TCEA1: variants seen among roughly 807,000 people sequenced by gnomAD.
TCEA1 encodes the protein transcription elongation factor A protein 1.
Under a neutral mutation model 43.8 loss-of-function variants are expected in TCEA1, and 21 were observed. The ratio of observed to expected loss-of-function variants is 0.48; its 90% CI spans 0.34 to 0.69. TCEA1 has a LOEUF of 0.69. Ranked by LOEUF, TCEA1 falls within the 30% of genes least tolerant of loss-of-function variation. The probability of loss-of-function intolerance (pLI) is 0.01; values close to 1 mark genes in which losing one functional copy is unlikely to be tolerated. For synonymous variants in TCEA1, 104 were observed against 117.5 expected, an observed-to-expected ratio of 0.88 and a Z score of 0.75; for missense variants, 250 against 365.1, an observed-to-expected ratio of 0.68 and a Z score of 2.57.
At chr8:53,999,816 G>T in intron 3 of TCEA1, 129 bp downstream of exon 3, 1 of 655,384 alleles carries the variant, frequency 1.5e-6, no homozygotes, top group Non-Finnish European at 2.6e-6. Context: ...TTATTACGAG[G>T]CACTGCTTTC....
intron 9 of TCEA1, among the ~76,000 whole-genome samples, chr8:53,970,072 T>G (rs1445102186): frequency 6.6e-6 from 1 of 152,164 alleles, no homozygotes; most frequent in Non-Finnish European, 1.5e-5. Flanking sequence ...CATGTATAGA[T>G]TTTCTGGAAG....
chr8:53,984,129 T>C (rs1016670593), intron 7 of TCEA1, among the ~76,000 whole-genome samples: 11 of 152,222 alleles, frequency 7.2e-5, no homozygotes, highest in African/African-American at 2.7e-4. Context: ...ACACGTTTGT[T>C]TTTAGAAAAT....
chr8:53,984,169 A>G (rs568117735), intron 7 of TCEA1, among the ~76,000 whole-genome samples, 194 bp downstream of exon 7: 1 of 152,244 alleles, frequency 6.6e-6, no homozygotes, highest in Non-Finnish European at 1.5e-5. Context: ...AAAAGCATGG[A>G]AACAGTTGGA....
At chr8:54,019,745 T>C (rs1482370789) in intron 1 of TCEA1, among the ~76,000 whole-genome samples, 2 of 152,162 alleles carry the variant, frequency 1.3e-5, no homozygotes, top group African/African-American at 4.8e-5. Flanking sequence ...GATGATGCAG[T>C]TGGGGAAAAG....
intron 2 of TCEA1, among the ~76,000 whole-genome samples, chr8:54,002,541 C>A (rs1586024285): frequency 6.8e-6 from 1 of 146,262 alleles, no homozygotes. Flanking sequence ...ATAAGTTTTT[C>A]TTTTTTCCTT....
At chr8:53,968,204 A>T (rs974316549) in intron 9 of TCEA1, 92 bp from the exon 10 acceptor site, 5 of 1,002,432 alleles carry the variant, frequency 5.0e-6, no homozygotes, top group African/African-American at 1.6e-5. Flanking sequence ...TATTGCTTTT[A>T]AAAAAGATGC....
intron 6 of TCEA1, among the ~76,000 whole-genome samples, 195 bp downstream of exon 6, chr8:53,986,774 C>T (rs1803701880): frequency 6.6e-6 from 1 of 152,182 alleles, no homozygotes; most frequent in African/African-American, 2.4e-5. Context: ...AATCCCAGCC[C>T]TGTCAGTGTC....
intron 3 of TCEA1, chr8:53,999,609 T>G (rs1170833132): frequency 3.9e-6 from 1 of 258,988 alleles, no homozygotes; most frequent in Non-Finnish European, 7.2e-6. Context: ...TACGGCATTC[T>G]TTTAATCATC....
rs1332990144 is a variant in TCEA1, at chr8:53,969,233, T to C, written c.898-1121A>G. Among the ~76,000 whole-genome samples the C allele has an allele frequency of 3.3e-5, 5 of 152,208 alleles. No homozygotes were observed. The East Asian group carries it at 9.7e-4, about 29-fold the overall frequency. ...TGAACCTGGGAGGCGAAGGTTGCAG[T>C]GAGCTGAGATAGCGCCACTGCACTC... On this transcript the variant is annotated intron_variant, in intron 9 of 9. Coordinates refer to ENST00000521604, the MANE Select transcript of TCEA1 (RefSeq NM_006756.4).
chr8:54,010,797 T>TA (rs1433350235), intron 1 of TCEA1, among the ~76,000 whole-genome samples: 3 of 151,942 alleles, frequency 2.0e-5, no homozygotes, highest in Admixed American at 1.3e-4. Flanking sequence ...TAAGCTATGA[T>TA]ACAGTGTTTT....
intron 4 of TCEA1, among the ~76,000 whole-genome samples, chr8:53,990,866 G>A (rs924597653): frequency 1.3e-5 from 2 of 152,016 alleles, no homozygotes; most frequent in African/African-American, 2.4e-5. Context: ...TTAAATTCTT[G>A]CACCCAAAAT....
chr8:53,987,723 T>C (rs1803733413), intron 5 of TCEA1, among the ~76,000 whole-genome samples: 1 of 152,136 alleles, frequency 6.6e-6, no homozygotes, highest in South Asian at 2.1e-4. Context: ...AACTAGAAAA[T>C]GGAAAACATT....
At chr8:53,975,042 A>G (rs917689812) in intron 8 of TCEA1, among the ~76,000 whole-genome samples, 2 of 149,854 alleles carry the variant, frequency 1.3e-5, no homozygotes, top group Non-Finnish European at 3.0e-5. Context: ...TATCATGTTA[A>G]GTTTGTTTAT....
intron 4 of TCEA1, among the ~76,000 whole-genome samples, chr8:53,991,963 T>C (rs1165277168): frequency 6.6e-6 from 1 of 152,022 alleles, no homozygotes; most frequent in Non-Finnish European, 1.5e-5. Flanking sequence ...ATGATCAATT[T>C]TGGGAAAATA....
At chr8:53,978,784 A>T in intron 8 of TCEA1, 1 of 389,234 alleles carries the variant, frequency 2.6e-6, no homozygotes, top group Non-Finnish European at 4.6e-6. Flanking sequence ...TATTATTGTT[A>T]ATCTCTTCCT....
Position 54,017,018 on chromosome 8 carries a change from G to A in TCEA1, c.63+5045C>T, listed in dbSNP as rs796965896. On this transcript the variant is annotated intron_variant, in intron 1 of 9. Coordinates refer to ENST00000521604, the MANE Select transcript of TCEA1 (RefSeq NM_006756.4). ...AAAAAAAAGACTATACTAAGCAAAA[G>A]AGGCCAGTTACAAAAGACCACATAC... is the stretch of plus-strand genomic sequence containing the variant. 1.4e-5 allele frequency among the ~76,000 whole-genome samples: 2 copies of A among 144,732 alleles called. 1 individual carries two copies. The highest frequency in any genetic ancestry group is 5.0e-5 in the African/African-American group (2 of 40,008). 94.9% of individuals were successfully genotyped at this position (144,732 alleles called of 152,430 possible).
At chr8:53,990,360 CTTTTT>C (rs869104595) in intron 4 of TCEA1, among the ~76,000 whole-genome samples, 2 of 136,896 alleles carry the variant, frequency 1.5e-5, no homozygotes, top group Admixed American at 7.4e-5. Context: ...CATTTCTTTT[CTTTTT>C]TTTTTTTTTT....
intron 4 of TCEA1, among the ~76,000 whole-genome samples, chr8:53,989,689 G>A (rs1478347770): frequency 6.6e-6 from 1 of 152,036 alleles, no homozygotes; most frequent in Non-Finnish European, 1.5e-5. Context: ...TTTTCATTAT[G>A]TAGCATAATG....
At chr8:54,021,724 T>C (rs1178259741) in intron 1 of TCEA1, 2 of 221,012 alleles carry the variant, frequency 9.0e-6, no homozygotes, top group African/African-American at 4.6e-5. Context: ...CTGAGGACTT[T>C]CTACGCTTCA....
Sources: allele counts gnomAD v4.1 joint callset (sites outside exome capture counted in the v4.1 genomes callset), GRCh38; gene constraint gnomAD v4.1.1; transcripts MANE v1.5; gene names NCBI Gene and HGNC (gene_info 2026-07-23, HGNC 2026-07-21).